Variants in CAPRIN1 observed in about 807,000 individuals in gnomAD.
The protein encoded by CAPRIN1 is caprin-1.
In CAPRIN1, 29 loss-of-function variants were observed where a neutral mutation model predicts 100.9. That is an observed-to-expected ratio of 0.29 (90% confidence interval 0.21 to 0.39). The LOEUF (loss-of-function observed/expected upper bound fraction) is 0.39, where lower values mean the gene tolerates loss of function less well. Ranked by LOEUF, CAPRIN1 falls within the 10% of genes least tolerant of loss-of-function variation. CAPRIN1 has a pLI of 1.00. For missense variants in CAPRIN1, 795 were observed against 876.7 expected, an observed-to-expected ratio of 0.91 and a Z score of 1.18; for synonymous variants, 338 against 307.5, an observed-to-expected ratio of 1.10 and a Z score of -1.04.
chr11:34,084,809 A>G (rs993891883), intron 9 of CAPRIN1, among the ~76,000 whole-genome samples: 1 of 152,224 alleles, frequency 6.6e-6, no homozygotes, highest in Non-Finnish European at 1.5e-5. Flanking sequence ...TTTATTGAAC[A>G]TAGAATGCAA....
At chr11:34,078,663 C>G (rs545351092) in intron 6 of CAPRIN1, among the ~76,000 whole-genome samples, 172 of 152,260 alleles carry the variant, frequency 1.1e-3, no homozygotes, top group Middle Eastern at 3.4e-3. Context: ...TTACCAGTTT[C>G]TCCAGCCACA....
At chr11:34,052,032 CCT>C (rs1387200322) in intron 1 of CAPRIN1, 161 bp downstream of exon 1, 1 of 151,366 alleles carries the variant, frequency 6.6e-6, no homozygotes, top group Non-Finnish European at 1.5e-5. Flanking sequence ...CAAGCCCCGA[CCT>C]CTCTCTTTCC....
chr11:34,075,771 G>GTA (rs1002622026), intron 4 of CAPRIN1, among the ~76,000 whole-genome samples: 4 of 152,080 alleles, frequency 2.6e-5, no homozygotes, highest in Non-Finnish European at 4.4e-5. Flanking sequence ...TTACATTTCT[G>GTA]TATAATTTCT....
intron 6 of CAPRIN1, among the ~76,000 whole-genome samples, chr11:34,078,127 A>G (rs1850941132): frequency 6.6e-6 from 1 of 152,160 alleles, no homozygotes; most frequent in Non-Finnish European, 1.5e-5. Context: ...GTACTAATAT[A>G]CCCAAATTAG....
At chr11:34,062,202 T>C (rs1850595059) in intron 2 of CAPRIN1, among the ~76,000 whole-genome samples, 1 of 152,156 alleles carries the variant, frequency 6.6e-6, no homozygotes, top group Non-Finnish European at 1.5e-5. Flanking sequence ...CAATACTCAG[T>C]TGAATTTGTG....
chr11:34,083,163 C>T (rs1241918049), intron 9 of CAPRIN1, 122 bp downstream of exon 9: 1 of 674,254 alleles, frequency 1.5e-6, no homozygotes, highest in East Asian at 2.7e-5. Flanking sequence ...ATAACAGACT[C>T]ATTACACCAG....
chr11:34,073,380 A>G (rs1056347555), intron 4 of CAPRIN1, among the ~76,000 whole-genome samples: 10 of 152,252 alleles, frequency 6.6e-5, no homozygotes, highest in Non-Finnish European at 1.3e-4. Flanking sequence ...TAAAGTGGTA[A>G]TAATAACCTC....
chr11:34,094,945 C>T (rs1329578061), intron 15 of CAPRIN1, among the ~76,000 whole-genome samples: 4 of 151,966 alleles, frequency 2.6e-5, no homozygotes, highest in Non-Finnish European at 4.4e-5. Context: ...TGCAGTGGTA[C>T]GATCTCGGCT....
At chr11:34,096,384 G>GA in intron 15 of CAPRIN1, 95 bp from the exon 16 acceptor site, 1 of 771,404 alleles carries the variant, frequency 1.3e-6, no homozygotes, top group Non-Finnish European at 2.1e-6. Flanking sequence ...ACTTTAAGGA[G>GA]ACTGTATAAG....
intron 4 of CAPRIN1, among the ~76,000 whole-genome samples, chr11:34,074,553 C>T (rs1481562230): frequency 1.3e-5 from 2 of 152,196 alleles, no homozygotes; most frequent in African/African-American, 4.8e-5. Context: ...ATATTCCTGT[C>T]CCTCTTCCTG....
chr11:34,090,428 T>A, intron 13 of CAPRIN1, 101 bp from the exon 14 acceptor site: 1 of 1,386,662 alleles, frequency 7.2e-7, no homozygotes, highest in South Asian at 1.3e-5. Context: ...TGTTAATACA[T>A]ATAAGTTTGA....
intron 9 of CAPRIN1, among the ~76,000 whole-genome samples, chr11:34,083,509 A>G (rs1418606813): frequency 6.6e-6 from 1 of 152,110 alleles, no homozygotes; most frequent in Non-Finnish European, 1.5e-5. Flanking sequence ...CTCTCTTCAT[A>G]TTACTCCTCT....
At chr11:34,071,015 A>C (rs1850795404) in intron 2 of CAPRIN1, among the ~76,000 whole-genome samples, 1 of 152,170 alleles carries the variant, frequency 6.6e-6, no homozygotes, top group Non-Finnish European at 1.5e-5. Context: ...AAATACTCTT[A>C]TATCACCTAG....
Position 34,100,623 on chromosome 11 carries a change from T to TA in CAPRIN1, c.*1257dup, listed in dbSNP as rs1344131229. The stretch of plus-strand genomic sequence containing the variant: ...GCAACATTTCTCTAGTACTTGCACT[T>TA]ATTATCTTTTGTCTAATTTAACCTT... On this transcript the variant is annotated 3_prime_UTR_variant, in exon 19 of 19. Transcript: ENST00000341394. The TA allele has an allele frequency of 6.6e-6, 1 of 152,282 alleles. No individual in the cohort carries two copies. The highest frequency in any genetic ancestry group is 1.5e-5 in the Non-Finnish European group (1 of 68,028). 9.4% of individuals were successfully genotyped at this position (152,282 alleles called of 1,614,324 possible). A position where few individuals can be genotyped will look rare whatever the true frequency, so the allele number is the denominator to read the frequency against.
chr11:34,075,490 A>G (rs1410427286), intron 4 of CAPRIN1, among the ~76,000 whole-genome samples: 1 of 152,228 alleles, frequency 6.6e-6, no homozygotes, highest in Admixed American at 6.5e-5. Flanking sequence ...AAATACATTC[A>G]TACTTAGCTT....
Position 34,099,305 on chromosome 11 carries a change from C to T in CAPRIN1, c.2068C>T (p.Arg690Cys), listed in dbSNP as rs764101717. Residue 690 changes from arginine (R) to cysteine (C), a missense_variant and splice_region_variant, in exon 19 of 19, where the codon CGT (arginine) becomes TGT (cysteine). By Grantham distance (180) the Arg-to-Cys change is radical. This residue lies in a region of CAPRIN1 where 648 missense variants were observed against 697.9 expected (regional missense o/e 0.93). Coordinates refer to ENST00000341394, the MANE Select transcript of CAPRIN1 (RefSeq NM_005898.5). ...QSGPRGAPRG[R>C]GGPPRPNRGM... is the part of the protein sequence containing the mutation. ...CAAATGCCATTTTTGTCTTCTAGGT[C>T]GTGGAGGGCCCCCAAGACCCAACAG... 5 of 1,613,594 alleles carry T rather than the reference C, an allele frequency of 3.1e-6. No homozygotes were observed. The highest frequency in any genetic ancestry group is 4.2e-6 in the Non-Finnish European group (5 of 1,179,594).
intron 18 of CAPRIN1, 26 bp downstream of exon 18, chr11:34,097,787 G>A: frequency 6.2e-7 from 1 of 1,613,912 alleles, no homozygotes; most frequent in Non-Finnish European, 8.5e-7. Flanking sequence ...GGTGATCCTA[G>A]CTCCTAAGTG....
At chr11:34,055,093 A>G (rs1317360031) in intron 2 of CAPRIN1, among the ~76,000 whole-genome samples, 1 of 152,186 alleles carries the variant, frequency 6.6e-6, no homozygotes. Flanking sequence ...TGGTCATTAA[A>G]TGTGTATAGG....
intron 4 of CAPRIN1, among the ~76,000 whole-genome samples, chr11:34,074,121 G>A (rs61880383): frequency 0.021 from 3,162 of 152,250 alleles, 45 homozygotes; most frequent in South Asian, 0.042. Context: ...ATTTTAGGGG[G>A]ATGCATTCAG....
Sources: allele counts gnomAD v4.1 joint callset (sites outside exome capture counted in the v4.1 genomes callset), GRCh38; gene constraint gnomAD v4.1.1; regional missense constraint gnomAD v4.1.1; transcripts MANE v1.5; gene names NCBI Gene and HGNC (gene_info 2026-07-23, HGNC 2026-07-21).